The following ZSCAN18 variants were observed in gnomAD, a reference collection of about 807,000 sequenced individuals.
ZSCAN18 encodes zinc finger and SCAN domain containing 18, also known as zinc finger and SCAN domain-containing protein 18.
In ZSCAN18, 16 loss-of-function variants were observed where a neutral mutation model predicts 31.1. The ratio of observed to expected loss-of-function variants is 0.51; its 90% CI spans 0.35 to 0.78. The LOEUF (loss-of-function observed/expected upper bound fraction) is 0.78, where lower values mean the gene tolerates loss of function less well. Ranked by LOEUF, ZSCAN18 falls within the 30% of genes least tolerant of loss-of-function variation. ZSCAN18 has a pLI of 0.01. For synonymous variants in ZSCAN18, 375 were observed against 320.7 expected (o/e 1.17, Z -1.81); for missense variants, 731 against 697.4 (o/e 1.05, Z -0.54).
At chr19:58,088,962 T>A in intron 2 of ZSCAN18, 125 bp from the exon 3 acceptor site, 1 of 898,876 alleles carries the variant, frequency 1.1e-6, no homozygotes, top group Non-Finnish European at 1.6e-6. Context: ...GCACCTCATC[T>A]TGGACCAGGA....
At chr19:58,095,525 A>T (rs942153356) in intron 1 of ZSCAN18, among the ~76,000 whole-genome samples, 3 of 152,106 alleles carry the variant, frequency 2.0e-5, no homozygotes, top group Non-Finnish European at 2.9e-5. Context: ...TCTAGCCCTC[A>T]TGGCCTCCAC....
upstream of ZSCAN18, among the ~76,000 whole-genome samples, chr19:58,102,340 A>C (rs2074601935): frequency 6.6e-6 from 1 of 152,154 alleles, no homozygotes; most frequent in Admixed American, 6.5e-5. Flanking sequence ...GGGCGCCTGT[A>C]GTCCCAGCTA....
intron 1 of ZSCAN18, among the ~76,000 whole-genome samples, chr19:58,105,953 G>A (rs1053126884): frequency 2.6e-5 from 4 of 151,932 alleles, no homozygotes; most frequent in South Asian, 2.1e-4. Flanking sequence ...CACTCTAGCC[G>A]AGGCAACAGA....
intron 6 of ZSCAN18, chr19:58,085,652 A>G (rs2074263692): frequency 4.0e-6 from 2 of 497,166 alleles, no homozygotes; most frequent in Admixed American, 3.8e-5. Context: ...CGGGTTCTGG[A>G]AACCGCGCCT....
chr19:58,085,126 CGTGCCCCTGTCCGGGGCA>C lies in ZSCAN18; in HGVS notation c.1074_1091del (p.Pro360_Ala365del), dbSNP rs2074242166. ...GCGGCCTCTTGGTTCCCAGTTTCGC[CGTGCCCCTGTCCGGGGCA>C]GGCTGCTGGATGACGGACTGCCTCT... On this transcript the variant is annotated inframe_deletion, in exon 7 of 7. Transcript: ENST00000601144. The C allele has an allele frequency of 6.2e-7, 1 of 1,608,354 alleles. No individual in the cohort carries two copies.
upstream of ZSCAN18, among the ~76,000 whole-genome samples, chr19:58,100,457 T>G (rs945554366): frequency 2.0e-5 from 3 of 152,192 alleles, no homozygotes; most frequent in Admixed American, 1.3e-4. Context: ...TTAAGGTGAC[T>G]ATCCCCATCC....
rs769248852 is a variant in ZSCAN18, at chr19:58,084,621, C to T, written c.*64G>A. On this transcript the variant is annotated 3_prime_UTR_variant, in exon 7 of 7. Coordinates refer to ENST00000601144, the MANE Select transcript of ZSCAN18 (RefSeq NM_001145543.2). The surrounding 1 kb of genome is among the most constrained non-coding windows in gnomAD (Gnocchi z 4.5). ...CGCCACCCAGGGGCGTGGAAAGGCC[C>T]AATGCCTCGTCTGGGATTCACGGCC... The T allele has an allele frequency of 1.1e-4, 153 of 1,400,164 alleles. No individual in the cohort carries two copies. The highest frequency in any genetic ancestry group is 1.4e-4 in the Non-Finnish European group (151 of 1,071,130). 86.7% of individuals were successfully genotyped at this position (1,400,164 alleles called of 1,614,324 possible).
intron 1 of ZSCAN18, among the ~76,000 whole-genome samples, chr19:58,095,414 A>G (rs1265311623): frequency 1.3e-5 from 2 of 152,156 alleles, no homozygotes; most frequent in Non-Finnish European, 2.9e-5. Context: ...GCAGGCAATC[A>G]CTAAGGCTGG....
At chr19:58,095,821 C>G (rs529033459) in intron 1 of ZSCAN18, among the ~76,000 whole-genome samples, 35 of 152,316 alleles carry the variant, frequency 2.3e-4, no homozygotes, top group Admixed American at 2.1e-3. Context: ...GCCACCTCTG[C>G]CTCCACTTCC....
chr19:58,092,946 T>A (rs756671548), intron 1 of ZSCAN18, among the ~76,000 whole-genome samples: 6 of 151,928 alleles, frequency 3.9e-5, no homozygotes, highest in Non-Finnish European at 8.8e-5. Context: ...GGCTAATTTT[T>A]AATTTGTTTT....
At chr19:58,085,572 A>G (rs2074261725) in intron 6 of ZSCAN18, 193 bp from the exon 7 acceptor site, 2 of 546,394 alleles carry the variant, frequency 3.7e-6, no homozygotes, top group Non-Finnish European at 6.3e-6. Flanking sequence ...CTGCTGCTGC[A>G]GATGTGGGAC....
intron 1 of ZSCAN18, among the ~76,000 whole-genome samples, chr19:58,110,208 T>C (rs1222564135): frequency 6.6e-6 from 1 of 152,204 alleles, no homozygotes; most frequent in African/African-American, 2.4e-5. Flanking sequence ...GTCCCTTCAC[T>C]GAGAAGAACT....
intron 1 of ZSCAN18, among the ~76,000 whole-genome samples, chr19:58,114,771 C>T (rs2074716699): frequency 6.6e-6 from 1 of 152,136 alleles, no homozygotes; most frequent in Non-Finnish European, 1.5e-5. Context: ...ATTCATGATA[C>T]TCTTTTTTCT....
At chr19:58,109,337 T>TAA (rs2074660704) in intron 1 of ZSCAN18, 2 of 1,231,226 alleles carry the variant, frequency 1.6e-6, no homozygotes, top group Admixed American at 8.4e-5. Flanking sequence ...TTTGAATCCT[T>TAA]AGAGAAAAAA....
rs373998384 is a variant in ZSCAN18 at position 58,090,457 on chromosome 19, CAA to C, written c.-119-73_-119-72del. The C allele has an allele frequency of 8.8e-6, 12 of 1,359,616 alleles. No homozygotes were observed. In the African/African-American group the frequency reaches 1.3e-4, roughly 15 times the overall value. 84.2% of individuals were successfully genotyped at this position (1,359,616 alleles called of 1,614,324 possible). A position where few individuals can be genotyped will look rare whatever the true frequency, so the allele number is the denominator to read the frequency against. On this transcript the variant is annotated intron_variant, in intron 1 of 6. Coordinates refer to ENST00000601144, the MANE Select transcript of ZSCAN18 (RefSeq NM_001145543.2). The surrounding 1 kb of genome is among the most constrained non-coding windows in gnomAD (Gnocchi z 4.7). ...CGCAGCCACCCCAGCTGCCAGAGAA[CAA>C]AGACACCACACCCAGAGTTCACACA...
chr19:58,085,370 C>T lies in ZSCAN18; in HGVS notation c.848G>A (p.Arg283Lys), dbSNP rs958789112. 6.3e-7 allele frequency: 1 copy of T among 1,588,722 alleles called. No homozygotes were observed. Among genetic ancestry groups the T allele is most frequent in the Non-Finnish European group, 8.5e-7 (1 of 1,176,252 alleles). The change falls in exon 7 of 7, where the codon AGG becomes AAG. Residue 283 changes from arginine to lysine, a missense_variant. Arg to Lys is a conservative substitution (Grantham distance 26). Around this residue, in one of 4 missense-constraint regions of ZSCAN18, gnomAD observed 597 missense variants for 499.5 expected, o/e 1.20. Transcript: ENST00000601144. ...PQGSSLPEGG[R>K]RQESAGCACE... is the part of the protein sequence containing the mutation. ...GGCGCACCCAGCGCTCTCCTGCCGC[C>T]TCCCGCCTTCTGGAACAAGGTCAGA... is the stretch of plus-strand genomic sequence containing the variant.
At chr19:58,100,473 A>G (rs75943217), upstream of ZSCAN18, among the ~76,000 whole-genome samples, 496 of 152,226 alleles carry the variant, frequency 3.3e-3, 5 homozygotes, top group African/African-American at 0.012. Context: ...CATCCTGAAG[A>G]TATCTATGGG....
chr19:58,089,718 G>A (rs1382421544), intron 2 of ZSCAN18, 147 bp downstream of exon 2: 20 of 844,308 alleles, frequency 2.4e-5, no homozygotes, highest in Admixed American at 3.1e-5. Context: ...CAGGAGCCCA[G>A]GCATCTGTCC....
At chr19:58,103,255 G>C (rs1325888089) in intron 1 of ZSCAN18, among the ~76,000 whole-genome samples, 1 of 152,224 alleles carries the variant, frequency 6.6e-6, no homozygotes, top group Admixed American at 6.5e-5. Flanking sequence ...TTTAGGTTCT[G>C]TGTCACGACT....
Sources: gnomAD v4.1 joint callset for allele counts (sites outside exome capture counted in the v4.1 genomes callset) on GRCh38, gnomAD v4.1.1 for gene constraint, gnomAD v4.1.1 regional missense constraint, Gnocchi (gnomAD v3.1) non-coding constraint, MANE v1.5 for transcripts, NCBI Gene and HGNC (gene_info 2026-07-23, HGNC 2026-07-21) for gene names.